Variants in GLRA3 observed in about 807,000 individuals in gnomAD.
GLRA3 encodes glycine receptor subunit alpha-3.
Under a neutral mutation model 60.4 loss-of-function variants are expected in GLRA3, and 44 were observed. That is an observed-to-expected ratio of 0.73 (90% confidence interval 0.57 to 0.94). The LOEUF is 0.94. Ranked by LOEUF, GLRA3 falls within the 40% of genes least tolerant of loss-of-function variation. GLRA3 has a pLI of 0.00. For missense variants in GLRA3, 508 were observed against 564.6 expected (o/e 0.90, Z 1.02); for synonymous variants, 223 against 192.9 (o/e 1.16, Z -1.29).
At chr4:174,815,856 A>G (rs1008007817) in intron 1 of GLRA3, among the ~76,000 whole-genome samples, 2 of 152,124 alleles carry the variant, frequency 1.3e-5, no homozygotes, top group Non-Finnish European at 2.9e-5. Flanking sequence ...CATTTTCCCC[A>G]TTATCTTGGT....
intron 3 of GLRA3, among the ~76,000 whole-genome samples, chr4:174,761,370 C>T (rs920467667): frequency 6.6e-6 from 1 of 151,948 alleles, no homozygotes; most frequent in African/African-American, 2.4e-5. Context: ...AAATGTGAGC[C>T]TATCATTTGT....
At chr4:174,756,116 T>G (rs1177923737) in intron 3 of GLRA3, among the ~76,000 whole-genome samples, 1 of 152,118 alleles carries the variant, frequency 6.6e-6, no homozygotes, top group Non-Finnish European at 1.5e-5. Flanking sequence ...CTTAAAACCT[T>G]TACACAAATA....
intron 3 of GLRA3, among the ~76,000 whole-genome samples, chr4:174,744,186 C>T (rs1358344128): frequency 6.6e-6 from 1 of 152,252 alleles, no homozygotes; most frequent in Non-Finnish European, 1.5e-5. Flanking sequence ...GGCAACACCA[C>T]CGTGCGGTGC....
intron 3 of GLRA3, among the ~76,000 whole-genome samples, chr4:174,739,759 A>T (rs919207337): frequency 2.6e-5 from 4 of 152,144 alleles, no homozygotes; most frequent in African/African-American, 9.7e-5. Flanking sequence ...TGTAGCAAAC[A>T]TGGCTCATTT....
intron 2 of GLRA3, among the ~76,000 whole-genome samples, chr4:174,779,552 T>C (rs374080724): frequency 6.6e-6 from 1 of 152,010 alleles, no homozygotes; most frequent in Non-Finnish European, 1.5e-5. Context: ...GGCAAAGAAG[T>C]TGAAAACTTT....
intron 3 of GLRA3, among the ~76,000 whole-genome samples, chr4:174,745,474 C>T (rs1260378375): frequency 3.9e-5 from 6 of 152,070 alleles, no homozygotes; most frequent in Non-Finnish European, 5.9e-5. Flanking sequence ...AGTTTTAGGT[C>T]GTACATTTAA....
chr4:174,654,685 C>T (rs752956275), intron 9 of GLRA3, among the ~76,000 whole-genome samples: 4 of 152,038 alleles, frequency 2.6e-5, no homozygotes, highest in East Asian at 1.9e-4. Flanking sequence ...ATAACATGTT[C>T]GGAAATACCT....
intron 4 of GLRA3, chr4:174,722,870 A>C (rs1736183944): frequency 6.0e-6 from 1 of 167,150 alleles, no homozygotes; most frequent in Non-Finnish European, 1.5e-5. Flanking sequence ...AAGATTTCAA[A>C]GTCCTGTGAG....
intron 1 of GLRA3, among the ~76,000 whole-genome samples, chr4:174,797,106 A>C (rs1739602176): frequency 6.6e-6 from 1 of 152,172 alleles, no homozygotes; most frequent in Admixed American, 6.5e-5. Context: ...ACATATTCAA[A>C]AACTTTTTTT....
intron 7 of GLRA3, among the ~76,000 whole-genome samples, chr4:174,666,828 C>G (rs1318497845): frequency 6.7e-6 from 1 of 148,426 alleles, no homozygotes; most frequent in Non-Finnish European, 1.5e-5. Flanking sequence ...AACACAGAAT[C>G]AAGTCACTTT....
Position 174,637,257 on chromosome 4 carries a change from A to G in GLRA3, c.*6529T>C, listed in dbSNP as rs148490033. 62 of 152,270 alleles carry G rather than the reference A, an allele frequency of 4.1e-4. No individual in the cohort carries two copies. Among genetic ancestry groups the G allele is most frequent in the African/African-American group, 1.4e-3 (60 of 41,550 alleles). The allele number at this position is 152,270 out of a possible 1,614,324, so 9.4% of individuals were successfully genotyped here. A position where few individuals can be genotyped will look rare whatever the true frequency, so the allele number is the denominator to read the frequency against. On this transcript the variant is annotated 3_prime_UTR_variant, in exon 10 of 10. Coordinates refer to ENST00000274093, the MANE Select transcript of GLRA3 (RefSeq NM_006529.4). ...CCTTTAAACAACTTGACTCACTAATAATGAAGTCACTGTATATCATATAAA... is the reference window on the plus strand; with the variant it reads ...CCTTTAAACAACTTGACTCACTAATGATGAAGTCACTGTATATCATATAAA...
intron 7 of GLRA3, 103 bp downstream of exon 7, chr4:174,676,975 T>C: frequency 1.5e-6 from 1 of 687,486 alleles, no homozygotes; most frequent in South Asian, 1.9e-5. Flanking sequence ...AGTAATGCCA[T>C]TGAAATGCCA....
At chr4:174,746,851 T>G (rs1737272125) in intron 3 of GLRA3, among the ~76,000 whole-genome samples, 1 of 152,088 alleles carries the variant, frequency 6.6e-6, no homozygotes, top group South Asian at 2.1e-4. Context: ...AATCATTATA[T>G]TAGGTTGGTG....
chr4:174,673,711 C>T (rs912066112), intron 7 of GLRA3, among the ~76,000 whole-genome samples: 1 of 152,082 alleles, frequency 6.6e-6, no homozygotes, highest in African/African-American at 2.4e-5. Context: ...GTAGTTTACA[C>T]CCTAAAGTCT....
At chr4:174,720,645 C>T (rs1224581814) in intron 4 of GLRA3, among the ~76,000 whole-genome samples, 1 of 152,088 alleles carries the variant, frequency 6.6e-6, no homozygotes, top group Non-Finnish European at 1.5e-5. Flanking sequence ...TCATCTGAGC[C>T]ATTTTCCAGG....
At chr4:174,740,559 C>T (rs1436818056) in intron 3 of GLRA3, among the ~76,000 whole-genome samples, 3 of 152,176 alleles carry the variant, frequency 2.0e-5, no homozygotes, top group African/African-American at 7.2e-5. Context: ...ATTCCTGATC[C>T]ACATACATGT....
chr4:174,717,977 T>C (rs1450122075), intron 4 of GLRA3, among the ~76,000 whole-genome samples: 1 of 152,178 alleles, frequency 6.6e-6, no homozygotes, highest in East Asian at 1.9e-4. Flanking sequence ...TCACCATGCA[T>C]GTGATGTCAA....
At chr4:174,805,296 TC>T (rs1739995912) in intron 1 of GLRA3, among the ~76,000 whole-genome samples, 1 of 152,128 alleles carries the variant, frequency 6.6e-6, no homozygotes, top group African/African-American at 2.4e-5. Flanking sequence ...CTGTTCAATT[TC>T]CCTCCTCTTG....
intron 4 of GLRA3, among the ~76,000 whole-genome samples, chr4:174,728,182 C>T (rs1736394109): frequency 6.6e-6 from 1 of 152,180 alleles, no homozygotes; most frequent in African/African-American, 2.4e-5. Flanking sequence ...CATGATTCAG[C>T]TGCCTTTCAC....
Sources: gnomAD v4.1 joint callset for allele counts (sites outside exome capture counted in the v4.1 genomes callset) on GRCh38, gnomAD v4.1.1 for gene constraint, MANE v1.5 for transcripts, NCBI Gene and HGNC (gene_info 2026-07-23, HGNC 2026-07-21) for gene names.